Variants in TATDN3 observed in about 807,000 individuals in gnomAD.
The protein encoded by TATDN3 is TatD DNase domain containing 3, also known as deoxyribonuclease TATDN3.
In TATDN3, 29 loss-of-function variants were observed where a neutral mutation model predicts 40.1. That is an observed-to-expected ratio of 0.72 (90% CI 0.54 to 0.99). TATDN3 has a LOEUF of 0.99. Among genes scored for constraint, TATDN3 ranks in the 50% least tolerant of loss-of-function variants. The pLI is 0.00. For missense variants in TATDN3, 309 were observed against 321.9 expected (o/e 0.96, Z 0.31); for synonymous variants, 105 against 117.0 (o/e 0.90, Z 0.66).
intron 7 of TATDN3, among the ~76,000 whole-genome samples, chr1:212,805,795 A>G (rs1017733754): frequency 1.3e-5 from 2 of 152,204 alleles, no homozygotes; most frequent in African/African-American, 4.8e-5. Context: ...TTATTTTTCA[A>G]TATTTTAAAG....
chr1:212,809,855 C>T (rs1356770403), intron 8 of TATDN3, among the ~76,000 whole-genome samples: 1 of 151,918 alleles, frequency 6.6e-6, no homozygotes. Context: ...GAGACCCCTT[C>T]TCTACTAAAA....
Position 212,807,731 on chromosome 1 carries a change from GA to G in TATDN3, c.488-2del. On this transcript the variant is annotated splice_polypyrimidine_tract_variant and splice_region_variant and intron_variant, in intron 7 of 9. Coordinates refer to ENST00000366974, the MANE Select transcript of TATDN3 (RefSeq NM_001042552.3). Reference sequence around the variant, plus strand: ...GAATACTGCCTTATCTTTCATTTTTGAAAGGTGCTGAGAAGGTACTGCTGCA... The same window carrying G: ...GAATACTGCCTTATCTTTCATTTTTGAAGGTGCTGAGAAGGTACTGCTGCA... The G allele has an allele frequency of 6.3e-7, 1 of 1,590,316 alleles. No homozygotes were observed. The highest frequency in any genetic ancestry group is 8.5e-7 in the Non-Finnish European group (1 of 1,173,030).
At chr1:212,793,693 G>T (rs569448998) in intron 1 of TATDN3, among the ~76,000 whole-genome samples, 7 of 152,256 alleles carry the variant, frequency 4.6e-5, no homozygotes, top group Admixed American at 2.0e-4. Flanking sequence ...TTTAGAGAGA[G>T]AATCCACAGT....
At chr1:212,807,410 G>T (rs940930139) in intron 7 of TATDN3, among the ~76,000 whole-genome samples, 1 of 151,664 alleles carries the variant, frequency 6.6e-6, no homozygotes, top group African/African-American at 2.4e-5. Flanking sequence ...GCACCACCAT[G>T]CCCAGCTAAA....
At chr1:212,795,428 A>T (rs976852644) in intron 2 of TATDN3, among the ~76,000 whole-genome samples, 12 of 151,774 alleles carry the variant, frequency 7.9e-5, no homozygotes, top group African/African-American at 2.9e-4. Flanking sequence ...ACGTCACTGC[A>T]CCCAGATAAT....
At chr1:212,802,484 C>T (rs1276411236) in intron 4 of TATDN3, among the ~76,000 whole-genome samples, 1 of 152,180 alleles carries the variant, frequency 6.6e-6, no homozygotes, top group Non-Finnish European at 1.5e-5. Flanking sequence ...AAGTCATATT[C>T]TTGTAACCCG....
At chr1:212,796,957 A>G in intron 3 of TATDN3, 155 bp from the exon 4 acceptor site, 1 of 573,592 alleles carries the variant, frequency 1.7e-6, no homozygotes, top group African/African-American at 1.9e-5. Flanking sequence ...GCTGGTCTCA[A>G]ACTCCTGGCC....
At chr1:212,809,982 C>T (rs1457469266) in intron 8 of TATDN3, among the ~76,000 whole-genome samples, 1 of 152,112 alleles carries the variant, frequency 6.6e-6, no homozygotes, top group African/African-American at 2.4e-5. Flanking sequence ...TGAGATCGCG[C>T]TTCTGCACTC....
rs773358053 is a variant in TATDN3, at chr1:212,807,861, A to T, written c.600+13A>T. The T allele has an allele frequency of 6.6e-7, 1 of 1,513,844 alleles. No individual in the cohort carries two copies. Among genetic ancestry groups the T allele is most frequent in the East Asian group, 2.3e-5 (1 of 44,366 alleles). The allele number at this position is 1,513,844 out of a possible 1,614,324, so 93.8% of individuals were successfully genotyped here. A position where few individuals can be genotyped will look rare whatever the true frequency, so the allele number is the denominator to read the frequency against. On this transcript the variant is annotated intron_variant, in intron 8 of 9. Coordinates refer to ENST00000366974, the MANE Select transcript of TATDN3 (RefSeq NM_001042552.3). ...AAGAAGTGGACAGGTAAATTTTTTC[A>T]TTGAAACTCATCTAATACTTATGAA...
chr1:212,804,752 G>A (rs1054470147), intron 7 of TATDN3, 101 bp downstream of exon 7: 8 of 1,046,066 alleles, frequency 7.6e-6, no homozygotes, highest in Non-Finnish European at 1.1e-5. Context: ...TTTCTTGAAG[G>A]GCAGGGGCAA....
Position 212,816,539 on chromosome 1 carries a change from G to C in TATDN3, c.*1383G>C, listed in dbSNP as rs1219727148. On this transcript the variant is annotated 3_prime_UTR_variant, in exon 10 of 10. Coordinates refer to ENST00000366974, the MANE Select transcript of TATDN3 (RefSeq NM_001042552.3). ...CAGGTGTGGTCAATATCAAAACTTA[G>C]GTATTTAATCTTGTTAAATTATATA... is the stretch of plus-strand genomic sequence containing the variant. 6.6e-6 allele frequency: 1 copy of C among 151,960 alleles called. No homozygotes were observed. Among genetic ancestry groups the C allele is most frequent in the Non-Finnish European group, 1.5e-5 (1 of 67,984 alleles). The allele number at this position is 151,960 out of a possible 1,614,324, so 9.4% of individuals were successfully genotyped here.
chr1:212,800,374 CT>C (rs373975223), intron 4 of TATDN3, among the ~76,000 whole-genome samples: 9,900 of 133,926 alleles, frequency 0.074, 299 homozygotes, highest in African/African-American at 0.091. Context: ...ATAGGTACTT[CT>C]TTTTTTTTTT....
intron 2 of TATDN3, among the ~76,000 whole-genome samples, chr1:212,795,403 T>C (rs1317408777): frequency 6.9e-6 from 1 of 145,618 alleles, no homozygotes; most frequent in East Asian, 2.0e-4. Context: ...CCTGAGTAGC[T>C]GGGACTATAG....
At chr1:212,799,969 T>A (rs1158924995) in intron 4 of TATDN3, among the ~76,000 whole-genome samples, 1 of 152,210 alleles carries the variant, frequency 6.6e-6, no homozygotes, top group Non-Finnish European at 1.5e-5. Flanking sequence ...ATACTGCAGT[T>A]TAGTTTTCTC....
At chr1:212,802,564 T>C (rs76001450) in intron 4 of TATDN3, 137 bp from the exon 5 acceptor site, 17,664 of 631,606 alleles carry the variant, frequency 0.028, 339 homozygotes, top group South Asian at 0.044. Flanking sequence ...AGGATTACTA[T>C]TGGTAGTTTT....
chr1:212,797,143 G>A lies in TATDN3; in HGVS notation c.205G>A (p.Val69Ile). ...YNGFVLPCLG[V>I]HPVQGLPPED... ...TGGGTTTGTCCTGCCATGCTTGGGTGTTCATCCAGTTCAAGGACTTCCACC... is the reference window on the plus strand; with the variant it reads ...TGGGTTTGTCCTGCCATGCTTGGGTATTCATCCAGTTCAAGGACTTCCACC... Residue 69 changes from valine to isoleucine, a missense_variant, in exon 4 of 10, where the codon GTT becomes ATT. Val to Ile is a conservative substitution (Grantham distance 29). Transcript: ENST00000366974. 6.2e-7 allele frequency: 1 copy of A among 1,614,136 alleles called. No homozygotes were observed. The highest frequency in any genetic ancestry group is 8.5e-7 in the Non-Finnish European group (1 of 1,180,012).
intron 1 of TATDN3, among the ~76,000 whole-genome samples, chr1:212,792,521 G>A (rs1392057820): frequency 6.7e-6 from 1 of 148,604 alleles, no homozygotes; most frequent in African/African-American, 2.5e-5. Flanking sequence ...TGTGGTCCCA[G>A]CTACTCGGGA....
intron 4 of TATDN3, chr1:212,797,489 G>A (rs1260632357): frequency 3.9e-6 from 1 of 259,682 alleles, no homozygotes; most frequent in Non-Finnish European, 7.4e-6. Flanking sequence ...AATACTTACT[G>A]TATAATATAG....
chr1:212,809,826 C>T (rs906539289), intron 8 of TATDN3, among the ~76,000 whole-genome samples: 11 of 152,066 alleles, frequency 7.2e-5, no homozygotes, highest in African/African-American at 2.7e-4. Context: ...GAGTTCAAAA[C>T]CAGCCTGGCC....
Sources: allele counts gnomAD v4.1 joint callset (sites outside exome capture counted in the v4.1 genomes callset), GRCh38; gene constraint gnomAD v4.1.1; transcripts MANE v1.5; gene names NCBI Gene and HGNC (gene_info 2026-07-23, HGNC 2026-07-21).